The following CEACAM7 variants were observed in gnomAD, a reference collection of about 807,000 sequenced individuals.
The protein encoded by CEACAM7 is CEA cell adhesion molecule 7, also known as cell adhesion molecule CEACAM7.
A neutral mutation model predicts 25.7 loss-of-function variants in CEACAM7; 24 were observed. The ratio of observed to expected loss-of-function variants is 0.93; its 90% CI spans 0.68 to 1.31. CEACAM7 has a LOEUF of 1.31. Among genes scored for constraint, CEACAM7 ranks in the 40% most tolerant of loss-of-function variants. The pLI is 0.00. For synonymous variants in CEACAM7, 144 were observed against 129.4 expected (o/e 1.11, Z -0.77); for missense variants, 324 against 330.1 (o/e 0.98, Z 0.14).
intron 3 of CEACAM7, among the ~76,000 whole-genome samples, chr19:41,682,503 G>A (rs1216541465): frequency 1.3e-5 from 2 of 152,144 alleles, no homozygotes; most frequent in Non-Finnish European, 2.9e-5. Flanking sequence ...TCTGCCCCAG[G>A]GCTCCCTCTC....
intron 3 of CEACAM7, among the ~76,000 whole-genome samples, chr19:41,682,604 C>A (rs1412667940): frequency 6.6e-6 from 1 of 152,198 alleles, no homozygotes; most frequent in Non-Finnish European, 1.5e-5. Context: ...GCCCAAGCAC[C>A]TTCTCCACAC....
intron 4 of CEACAM7, among the ~76,000 whole-genome samples, chr19:41,676,713 G>T (rs539840927): frequency 6.6e-6 from 1 of 152,326 alleles, no homozygotes; most frequent in African/African-American, 2.4e-5. Context: ...AAGGACAGAG[G>T]TTGCTTGTGA....
rs2072085881 is a variant in CEACAM7 at position 41,673,584 on chromosome 19, T to G, written c.*1192A>C. 1 of 152,242 alleles carries G rather than the reference T, an allele frequency of 6.6e-6. No individual in the cohort carries two copies. Among genetic ancestry groups the G allele is most frequent in the Admixed American group, 6.5e-5 (1 of 15,288 alleles). 9.4% of individuals were successfully genotyped at this position (152,242 alleles called of 1,614,324 possible). On this transcript the variant is annotated 3_prime_UTR_variant, in exon 5 of 5. Transcript: ENST00000401731. ...CTCTCATGTTTTTAGGAAAATTTTG[T>G]CTGTTCTGGGATCTACCTGCTTCCT... is the stretch of plus-strand genomic sequence containing the variant.
rs35163344 is a variant in CEACAM7 at position 41,679,968 on chromosome 19, A to ATTTT, written c.707-2469_707-2466dup. Among the ~76,000 whole-genome samples, 127 of 68,874 alleles carry ATTTT rather than the reference A, an allele frequency of 1.8e-3. 9 individuals are homozygous for ATTTT. The highest frequency in any genetic ancestry group is 6.8e-3 in the African/African-American group (114 of 16,766). The allele number at this position is 68,874 out of a possible 152,430, so 45.2% of individuals were successfully genotyped here. A position where few individuals can be genotyped will look rare whatever the true frequency, so the allele number is the denominator to read the frequency against. ...AGGCGTGTGCCACCACACCTGGCTA[A>ATTTT]TTTTTTTTTTTTTTTTTTTTTTTTT... On this transcript the variant is annotated intron_variant, in intron 3 of 4. Transcript: ENST00000401731.
At chr19:41,684,650 C>T (rs142800531) in intron 2 of CEACAM7, among the ~76,000 whole-genome samples, 10 of 152,138 alleles carry the variant, frequency 6.6e-5, no homozygotes, top group African/African-American at 2.2e-4. Context: ...AGCTAGTGAC[C>T]GCCAGGAAAG....
At position 41,673,990 on chromosome 19, in the gene CEACAM7, T is replaced by G. The variant is rs1385905663; in HGVS notation, c.*786A>C. On this transcript the variant is annotated 3_prime_UTR_variant, in exon 5 of 5. Coordinates refer to ENST00000401731, the MANE Select transcript of CEACAM7 (RefSeq NM_001291485.2). ...AAATAAAAGAGAATAGATTAAAGAA[T>G]GAGCCACATGAGAAGCCTACCCATT... The G allele has an allele frequency of 6.6e-6, 1 of 152,192 alleles. No individual in the cohort carries two copies. Among genetic ancestry groups the G allele is most frequent in the African/African-American group, 2.4e-5 (1 of 41,408 alleles). The allele number at this position is 152,192 out of a possible 1,614,324, so 9.4% of individuals were successfully genotyped here. A position where few individuals can be genotyped will look rare whatever the true frequency, so the allele number is the denominator to read the frequency against.
At chr19:41,682,714 A>G (rs2072187279) in intron 3 of CEACAM7, among the ~76,000 whole-genome samples, 2 of 152,312 alleles carry the variant, frequency 1.3e-5, no homozygotes, top group South Asian at 2.1e-4. Context: ...CCCTCGTCCA[A>G]GGGGTTTCCT....
chr19:41,688,034 T>C, intron 1 of CEACAM7, 68 bp downstream of exon 1: 1 of 1,451,326 alleles, frequency 6.9e-7, no homozygotes, highest in Non-Finnish European at 9.4e-7. Flanking sequence ...AGCCCCGTCC[T>C]CCCAAGGAGA....
Position 41,674,719 on chromosome 19 carries a change from G to A in CEACAM7, c.*57C>T, listed in dbSNP as rs183202906. 5 of 205,598 alleles carry A rather than the reference G, an allele frequency of 2.4e-5. No individual in the cohort carries two copies. The highest frequency in any genetic ancestry group is 7.2e-5 in the South Asian group (1 of 13,912). 12.7% of individuals were successfully genotyped at this position (205,598 alleles called of 1,614,324 possible). On this transcript the variant is annotated 3_prime_UTR_variant, in exon 5 of 5. Transcript: ENST00000401731. Reference sequence around the variant, plus strand: ...CACAGGAGAAAATGGGATTGAAGGAGCTAGAAGAATCCAGTCCAGTCTGCA... The same window carrying A: ...CACAGGAGAAAATGGGATTGAAGGAACTAGAAGAATCCAGTCCAGTCTGCA...
intron 3 of CEACAM7, among the ~76,000 whole-genome samples, chr19:41,682,231 G>A (rs782608996): frequency 2.6e-5 from 4 of 152,194 alleles, no homozygotes; most frequent in South Asian, 4.2e-4. Context: ...CAGCCACCGC[G>A]CCCAGCCCTA....
chr19:41,686,569 T>C (rs980136547), intron 2 of CEACAM7, among the ~76,000 whole-genome samples: 3 of 152,096 alleles, frequency 2.0e-5, no homozygotes, highest in Non-Finnish European at 4.4e-5. Flanking sequence ...CTCCAGGGTC[T>C]TTTTCAGGGG....
In CEACAM7 at chr19:41,683,648, C is replaced by A. The variant is rs557142930; in HGVS notation, c.706+137G>T. On this transcript the variant is annotated intron_variant, in intron 3 of 4. Transcript: ENST00000401731. ...TGGGTCTGCCCAGGTTTGCTTGTGG[C>A]AGAAAGTCATGGCCAGCCTGGGTGC... 1.1e-4 allele frequency: 157 copies of A among 1,398,928 alleles called. No homozygotes were observed. The South Asian group carries it at 2.0e-3, about 17-fold the overall frequency. 86.7% of individuals were successfully genotyped at this position (1,398,928 alleles called of 1,614,324 possible).
intron 2 of CEACAM7, among the ~76,000 whole-genome samples, chr19:41,684,805 A>G (rs1443782323): frequency 6.6e-6 from 1 of 152,240 alleles, no homozygotes; most frequent in East Asian, 1.9e-4. Context: ...AAATTTACAA[A>G]GAGCTCCCTG....
rs1433998469 is a variant in CEACAM7, at chr19:41,683,660, G to T, written c.706+125C>A. ...GGTTTGCTTGTGGCAGAAAGTCATG[G>T]CCAGCCTGGGTGCCTAGAGGTGAGG... On this transcript the variant is annotated intron_variant, in intron 3 of 4. Transcript: ENST00000401731. 2.1e-6 allele frequency: 3 copies of T among 1,430,844 alleles called. No homozygotes were observed. In the Admixed American group the frequency reaches 6.2e-5, roughly 30 times the overall value. The allele number at this position is 1,430,844 out of a possible 1,614,324, so 88.6% of individuals were successfully genotyped here. A position where few individuals can be genotyped will look rare whatever the true frequency, so the allele number is the denominator to read the frequency against.
chr19:41,683,680 G>A, intron 3 of CEACAM7, 105 bp downstream of exon 3: 1 of 1,500,426 alleles, frequency 6.7e-7, no homozygotes, highest in Non-Finnish European at 9.1e-7. Context: ...GTGCCTAGAG[G>A]TGAGGGTCTG....
rs781890966 is a variant in CEACAM7 at position 41,686,841 on chromosome 19, C to T, written c.427+18G>A. ...GAACTGGCCCCCAGCACCCAGAAGT[C>T]ATGGAGGTATCACTCACAGAATACG... On this transcript the variant is annotated intron_variant, in intron 2 of 4. Transcript: ENST00000401731. 1.3e-6 allele frequency: 2 copies of T among 1,521,514 alleles called. No homozygotes were observed. The highest frequency in any genetic ancestry group is 1.4e-5 in the South Asian group (1 of 73,856). The allele number at this position is 1,521,514 out of a possible 1,614,324, so 94.3% of individuals were successfully genotyped here. A position where few individuals can be genotyped will look rare whatever the true frequency, so the allele number is the denominator to read the frequency against.
chr19:41,681,463 A>G (rs1317804572), intron 3 of CEACAM7, among the ~76,000 whole-genome samples: 2 of 152,206 alleles, frequency 1.3e-5, no homozygotes, highest in Non-Finnish European at 2.9e-5. Flanking sequence ...GGGCTTTGAA[A>G]AGATATTTAT....
At chr19:41,675,971 G>A (rs782380655) in intron 4 of CEACAM7, among the ~76,000 whole-genome samples, 19 of 152,098 alleles carry the variant, frequency 1.2e-4, no homozygotes, top group Non-Finnish European at 2.4e-4. Flanking sequence ...TTTCCATCTC[G>A]CTTCTGTTTC....
chr19:41,677,412 C>T lies in CEACAM7; in HGVS notation c.798G>A (p.Ter266=), dbSNP rs2072125339. The change falls in exon 4 of 5, where the codon TAG becomes TAA. Residue 266 remains the stop codon, a stop_retained_variant. Transcript: ENST00000401731. Reference sequence around the variant, plus strand: ...AAATGCAGAAACTACACCAAGGCTGCTATATCAGAGCCATCCCAGCCAGTA... The same window carrying T: ...AAATGCAGAAACTACACCAAGGCTGTTATATCAGAGCCATCCCAGCCAGTA... The part of the protein sequence containing the change: ...IGVLAGMALI[*] 1 of 1,607,132 alleles carries T rather than the reference C, an allele frequency of 6.2e-7. No individual in the cohort carries two copies. Among genetic ancestry groups the T allele is most frequent in the South Asian group, 1.1e-5 (1 of 90,942 alleles).
Sources: gnomAD v4.1 joint callset for allele counts (sites outside exome capture counted in the v4.1 genomes callset) on GRCh38, gnomAD v4.1.1 for gene constraint, MANE v1.5 for transcripts, NCBI Gene and HGNC (gene_info 2026-07-23, HGNC 2026-07-21) for gene names.